The following RPS6KA2 variants were observed in gnomAD, a reference collection of about 807,000 sequenced individuals.
RPS6KA2 encodes the protein ribosomal protein S6 kinase alpha-2.
RPS6KA2 carries 42 observed loss-of-function variants against 91.8 expected under a neutral mutation model. That is an observed-to-expected ratio of 0.46 (90% CI 0.36 to 0.59). The LOEUF (loss-of-function observed/expected upper bound fraction) is 0.59. Ranked by LOEUF, RPS6KA2 falls within the 20% of genes least tolerant of loss-of-function variation. The pLI is 0.00. For synonymous variants in RPS6KA2, 414 were observed against 393.6 expected, an observed-to-expected ratio of 1.05 and a Z score of -0.61; for missense variants, 798 against 978.5, an observed-to-expected ratio of 0.82 and a Z score of 2.46.
At chr6:166,681,267 A>G (rs1009140658) in intron 2 of RPS6KA2, among the ~76,000 whole-genome samples, 1 of 152,236 alleles carries the variant, frequency 6.6e-6, no homozygotes, top group Admixed American at 6.5e-5. Flanking sequence ...CCCCACGACA[A>G]AAAGAAGTGG....
chr6:166,518,320 G>A (rs1483115061), intron 3 of RPS6KA2, among the ~76,000 whole-genome samples: 2 of 150,188 alleles, frequency 1.3e-5, no homozygotes, highest in African/African-American at 4.9e-5. Context: ...GTGTCTGGAA[G>A]GGGAATCTTT....
intron 19 of RPS6KA2, among the ~76,000 whole-genome samples, chr6:166,416,398 G>A (rs1778523666): frequency 6.8e-6 from 1 of 147,684 alleles, no homozygotes; most frequent in Non-Finnish European, 1.5e-5. Flanking sequence ...ACCCTCATTA[G>A]CCTCACCATC....
intron 3 of RPS6KA2, among the ~76,000 whole-genome samples, chr6:166,510,722 C>T (rs755222748): frequency 5.3e-5 from 8 of 151,070 alleles, no homozygotes; most frequent in Non-Finnish European, 1.0e-4. Flanking sequence ...TTAACACCTA[C>T]TGTGCCACAT....
chr6:166,532,844 A>AGAGAGAGTGT (rs573257516), intron 2 of RPS6KA2, among the ~76,000 whole-genome samples: 2 of 149,480 alleles, frequency 1.3e-5, no homozygotes, highest in African/African-American at 4.9e-5. Context: ...AGAGAGAGAG[A>AGAGAGAGTGT]GTGTGTGTGT....
intron 2 of RPS6KA2, chr6:166,757,650 C>T (rs898153274): frequency 1.1e-5 from 5 of 455,964 alleles, no homozygotes; most frequent in African/African-American, 1.0e-4. Context: ...GCCGCCACTC[C>T]TTTTATCACC....
chr6:166,717,951 C>T (rs755803621), intron 2 of RPS6KA2, among the ~76,000 whole-genome samples: 11 of 151,734 alleles, frequency 7.2e-5, no homozygotes, highest in Non-Finnish European at 1.3e-4. Context: ...CTGGTTCAGG[C>T]GATTCTCCTG....
intron 8 of RPS6KA2, among the ~76,000 whole-genome samples, chr6:166,491,364 G>T (rs3817786): frequency 0.32 from 48,080 of 152,028 alleles, 7,982 homozygotes; most frequent in East Asian, 0.55. Context: ...CCTTGTCTGA[G>T]CATGGGTTTC....
At chr6:166,746,039 T>C (rs1257968709) in intron 2 of RPS6KA2, among the ~76,000 whole-genome samples, 2 of 152,208 alleles carry the variant, frequency 1.3e-5, no homozygotes, top group South Asian at 2.1e-4. Context: ...AGTATCCGTG[T>C]TGCAGCTACT....
At chr6:166,628,285 C>T (rs141226070), upstream of RPS6KA2, among the ~76,000 whole-genome samples, 5 of 152,344 alleles carry the variant, frequency 3.3e-5, no homozygotes, top group African/African-American at 1.2e-4. Context: ...CCCCGTGCAG[C>T]CTGCTCTGTT....
intron 1 of RPS6KA2, among the ~76,000 whole-genome samples, chr6:166,610,186 A>T (rs1291248572): frequency 6.6e-6 from 1 of 152,192 alleles, no homozygotes. Flanking sequence ...ATCAACTACA[A>T]CGTGAGGCAC....
At chr6:166,700,700 T>A (rs1723562809) in intron 2 of RPS6KA2, among the ~76,000 whole-genome samples, 2 of 152,100 alleles carry the variant, frequency 1.3e-5, no homozygotes, top group African/African-American at 4.8e-5. Flanking sequence ...CTGCTCCAAT[T>A]TTAACAATTG....
At chr6:166,420,011 T>C in intron 17 of RPS6KA2, 53 bp from the exon 18 acceptor site, 2 of 1,532,838 alleles carry the variant, frequency 1.3e-6, no homozygotes, top group Non-Finnish European at 1.8e-6. Context: ...ACATTCAGAT[T>C]GACAGCACGT....
At chr6:166,747,830 T>G (rs1015368455) in intron 2 of RPS6KA2, among the ~76,000 whole-genome samples, 1 of 152,304 alleles carries the variant, frequency 6.6e-6, no homozygotes, top group South Asian at 2.1e-4. Flanking sequence ...GCAAACGACC[T>G]CTGCAGGAGA....
rs184424858 is a variant in RPS6KA2, at chr6:166,612,534, G to A, written c.99+14387C>T. On this transcript the variant is annotated intron_variant, in intron 1 of 20. Coordinates refer to ENST00000265678, the MANE Select transcript of RPS6KA2 (RefSeq NM_021135.6). This position sits in a 1 kb window ranked among gnomAD's most constrained non-coding sequence, Gnocchi z 4.3. ...CTCCCTCCATGACAGACCAGGGCGAGGAAAGGAGAAATGATGAGCTCTGAG... is the reference window on the plus strand; with the variant it reads ...CTCCCTCCATGACAGACCAGGGCGAAGAAAGGAGAAATGATGAGCTCTGAG... Among the ~76,000 whole-genome samples, 488 of 152,276 alleles carry A rather than the reference G, an allele frequency of 3.2e-3. No homozygotes were observed. The highest frequency in any genetic ancestry group is 0.011 in the African/African-American group (456 of 41,560).
chr6:166,461,546 G>T (rs1052859564), intron 11 of RPS6KA2, among the ~76,000 whole-genome samples: 1 of 140,172 alleles, frequency 7.1e-6, no homozygotes, highest in African/African-American at 2.7e-5. Context: ...GAGAGGGGGT[G>T]GGGGGAGAAA....
chr6:166,513,418 A>G (rs1232329161), intron 3 of RPS6KA2, among the ~76,000 whole-genome samples: 9 of 152,202 alleles, frequency 5.9e-5, no homozygotes, highest in Admixed American at 5.9e-4. Flanking sequence ...TTCTGCCTCA[A>G]CTAACGGAAT....
At chr6:166,610,841 G>A (rs1300406134) in intron 1 of RPS6KA2, among the ~76,000 whole-genome samples, 1 of 152,176 alleles carries the variant, frequency 6.6e-6, no homozygotes, top group African/African-American at 2.4e-5. Context: ...AAACTGGAAA[G>A]CCACATGTAA....
intron 2 of RPS6KA2, among the ~76,000 whole-genome samples, chr6:166,730,332 G>A (rs1790473267): frequency 6.6e-6 from 1 of 151,962 alleles, no homozygotes; most frequent in Non-Finnish European, 1.5e-5. Context: ...ACATTTATGA[G>A]TATGTTATTG....
intron 2 of RPS6KA2, among the ~76,000 whole-genome samples, chr6:166,801,299 G>A (rs1169648157): frequency 6.6e-6 from 1 of 151,856 alleles, no homozygotes; most frequent in Non-Finnish European, 1.5e-5. Flanking sequence ...AGGAGGTGGG[G>A]AGAGGAAAAG....
Sources: gnomAD v4.1 joint callset for allele counts (sites outside exome capture counted in the v4.1 genomes callset) on GRCh38, gnomAD v4.1.1 for gene constraint, Gnocchi (gnomAD v3.1) non-coding constraint, MANE v1.5 for transcripts, NCBI Gene and HGNC (gene_info 2026-07-23, HGNC 2026-07-21) for gene names.